NRG1: variants seen among roughly 807,000 people sequenced by gnomAD.
NRG1 encodes the protein neuregulin 1.
NRG1 carries 18 observed loss-of-function variants against 63.8 expected under a neutral mutation model. That is an observed-to-expected ratio of 0.28 (90% CI 0.19 to 0.42). The LOEUF is 0.42. Among genes scored for constraint, NRG1 ranks in the 10% least tolerant of loss-of-function variants. The pLI, the probability that NRG1 is intolerant of heterozygous loss-of-function variation, is 1.00. For missense variants in NRG1, 762 were observed against 814.7 expected, an observed-to-expected ratio of 0.94 and a Z score of 0.79; for synonymous variants, 302 against 301.3, an observed-to-expected ratio of 1.00 and a Z score of -0.02.
Position 31,640,757 on chromosome 8 carries a change from AC to A in NRG1, c.37+1329del, listed in dbSNP as rs1803683397. 6.8e-7 allele frequency: 1 copy of A among 1,475,094 alleles called. No homozygotes were observed. The allele number at this position is 1,475,094 out of a possible 1,614,324, so 91.4% of individuals were successfully genotyped here. On this transcript the variant is annotated intron_variant, in intron 1 of 10. Coordinates refer to the NRG1 transcript ENST00000519301. This position sits in a 1 kb window ranked among gnomAD's most constrained non-coding sequence, Gnocchi z 6.3. ...AAGTTCCTCGCCCTTGGGGGCGCGAACCCGCGGCGAGGAGGGCGCATCCCGG... is the reference window on the plus strand; with the variant it reads ...AAGTTCCTCGCCCTTGGGGGCGCGAACCGCGGCGAGGAGGGCGCATCCCGG...
chr8:32,034,512 C>T (rs2130537550), intron 1 of NRG1, among the ~76,000 whole-genome samples: 1 of 152,242 alleles, frequency 6.6e-6, no homozygotes, highest in South Asian at 2.1e-4. Context: ...GGAATAGTTT[C>T]AGAAGAAAGT....
chr8:32,439,959 A>T (rs565994844), intron 1 of NRG1, among the ~76,000 whole-genome samples: 1 of 152,008 alleles, frequency 6.6e-6, no homozygotes, highest in Non-Finnish European at 1.5e-5. Flanking sequence ...TTATTTTCAC[A>T]TTGCTGTAAA....
chr8:32,242,346 C>T (rs568999661), intron 1 of NRG1, among the ~76,000 whole-genome samples: 27 of 151,910 alleles, frequency 1.8e-4, no homozygotes, highest in African/African-American at 2.4e-4. Context: ...TGGTGGTGGG[C>T]GCCTATAATC....
At chr8:31,809,447 A>G (rs1209956136) in intron 1 of NRG1, among the ~76,000 whole-genome samples, 1 of 146,880 alleles carries the variant, frequency 6.8e-6, no homozygotes. Context: ...AAACGTTAGG[A>G]TTTCTGTTTC....
At chr8:32,542,396 C>T (rs1283360535) in intron 1 of NRG1, among the ~76,000 whole-genome samples, 1 of 152,172 alleles carries the variant, frequency 6.6e-6, no homozygotes, top group Non-Finnish European at 1.5e-5. Flanking sequence ...TACACACACA[C>T]TTCTGTATGT....
At chr8:31,813,782 C>T (rs567597520) in intron 1 of NRG1, among the ~76,000 whole-genome samples, 2 of 152,076 alleles carry the variant, frequency 1.3e-5, no homozygotes, top group South Asian at 4.1e-4. Context: ...CTGCCTTGGC[C>T]TCCCAGAGTG....
At chr8:32,738,783 C>G (rs1334479287) in intron 6 of NRG1, among the ~76,000 whole-genome samples, 1 of 152,178 alleles carries the variant, frequency 6.6e-6, no homozygotes, top group Admixed American at 6.6e-5. Context: ...CAGAAACTAT[C>G]TCAGTTTCTG....
intron 1 of NRG1, among the ~76,000 whole-genome samples, chr8:32,014,640 G>A (rs931394357): frequency 1.3e-5 from 2 of 151,890 alleles, no homozygotes; most frequent in Non-Finnish European, 2.9e-5. Flanking sequence ...GAACTCACAA[G>A]GACTTGATTT....
At chr8:31,647,611 G>A (rs1258434054) in intron 1 of NRG1, among the ~76,000 whole-genome samples, 4 of 152,132 alleles carry the variant, frequency 2.6e-5, no homozygotes, top group East Asian at 3.9e-4. Flanking sequence ...TGGCAGTTGG[G>A]GCCCCTTGGT....
chr8:32,396,435 C>A (rs186901378), intron 1 of NRG1, among the ~76,000 whole-genome samples: 9 of 152,194 alleles, frequency 5.9e-5, no homozygotes, highest in Non-Finnish European at 1.2e-4. Flanking sequence ...AGAGTTCGCC[C>A]AAATGGTACA....
rs564591957 is a variant in NRG1 at position 32,294,124 on chromosome 8, T to C, written c.38-301704T>C. Among the ~76,000 whole-genome samples, 14 of 152,058 alleles carry C rather than the reference T, an allele frequency of 9.2e-5. No homozygotes were observed. The South Asian group carries it at 2.9e-3, about 32-fold the overall frequency. The stretch of plus-strand genomic sequence containing the variant: ...ATTCAGATTCCCTTTTCTGACTCCG[T>C]AGGATGCCTGTCCACGGAGGTCTCA... On this transcript the variant is annotated intron_variant, in intron 1 of 10. Transcript: ENST00000519301.
intron 1 of NRG1, among the ~76,000 whole-genome samples, chr8:32,128,575 G>A (rs1834402939): frequency 6.6e-6 from 1 of 151,848 alleles, no homozygotes; most frequent in South Asian, 2.1e-4. Flanking sequence ...TGAAACAATG[G>A]GCAAATCTAT....
At chr8:32,115,176 A>AT (rs1241580542) in intron 1 of NRG1, among the ~76,000 whole-genome samples, 6 of 151,908 alleles carry the variant, frequency 3.9e-5, no homozygotes, top group African/African-American at 1.5e-4. Flanking sequence ...AATTACAGGC[A>AT]TATACCACCA....
intron 1 of NRG1, among the ~76,000 whole-genome samples, chr8:32,592,333 C>G (rs1842675707): frequency 6.6e-6 from 1 of 151,962 alleles, no homozygotes; most frequent in South Asian, 2.1e-4. Context: ...CCCAGTAGTC[C>G]CAATAATATC....
intron 1 of NRG1, among the ~76,000 whole-genome samples, chr8:32,510,140 G>C (rs1829005087): frequency 7.4e-6 from 1 of 134,284 alleles, no homozygotes; most frequent in Non-Finnish European, 1.6e-5. Flanking sequence ...TAAAAGCAAG[G>C]GAGGGAGGGA....
At chr8:32,616,141 G>T (rs566040017) in intron 4 of NRG1, among the ~76,000 whole-genome samples, 1 of 151,668 alleles carries the variant, frequency 6.6e-6, no homozygotes, top group African/African-American at 2.4e-5. Context: ...AAACCCATCC[G>T]TTCCATGCTT....
chr8:32,695,597 A>G (rs367709268), intron 5 of NRG1, among the ~76,000 whole-genome samples: 2 of 152,218 alleles, frequency 1.3e-5, no homozygotes, highest in Non-Finnish European at 2.9e-5. Flanking sequence ...ATTACAAAGC[A>G]GAATTCTGAA....
chr8:32,212,297 A>G (rs1204250110), intron 1 of NRG1, among the ~76,000 whole-genome samples: 2 of 152,158 alleles, frequency 1.3e-5, no homozygotes, highest in African/African-American at 4.8e-5. Flanking sequence ...AGCGTCAGGC[A>G]ATTTAAGAGC....
At chr8:31,826,342 A>G (rs1824556708) in intron 1 of NRG1, among the ~76,000 whole-genome samples, 1 of 152,132 alleles carries the variant, frequency 6.6e-6, no homozygotes, top group Non-Finnish European at 1.5e-5. Context: ...TAATTGAATC[A>G]TGGGGGTGGG....
Sources: gnomAD v4.1 joint callset for allele counts (sites outside exome capture counted in the v4.1 genomes callset) on GRCh38, gnomAD v4.1.1 for gene constraint, Gnocchi (gnomAD v3.1) non-coding constraint, MANE v1.5 for transcripts, NCBI Gene and HGNC (gene_info 2026-07-23, HGNC 2026-07-21) for gene names.